Variants in AIF1L observed in about 807,000 individuals in gnomAD.
The protein encoded by AIF1L is allograft inflammatory factor 1-like.
AIF1L carries 12 observed loss-of-function variants against 20.7 expected under a neutral mutation model. The observed-to-expected ratio is 0.58, with a 90% CI of 0.37 to 0.94. The LOEUF is 0.94. Among genes scored for constraint, AIF1L ranks in the 40% least tolerant of loss-of-function variants. AIF1L has a pLI of 0.01. For missense variants in AIF1L, 173 were observed against 185.3 expected (o/e 0.93, Z 0.39); for synonymous variants, 76 against 65.1 (o/e 1.17, Z -0.81).
chr9:131,118,211 G>A (rs1831056856), intron 5 of AIF1L, among the ~76,000 whole-genome samples: 1 of 151,980 alleles, frequency 6.6e-6, no homozygotes, highest in African/African-American at 2.4e-5. Flanking sequence ...TTCTGCCTCA[G>A]CCTCCCTAGT....
intron 2 of AIF1L, among the ~76,000 whole-genome samples, chr9:131,102,706 G>A (rs1025020611): frequency 6.6e-6 from 1 of 152,230 alleles, no homozygotes; most frequent in Admixed American, 6.5e-5. Context: ...ATGTGAACCC[G>A]CTGTCCTTGT....
Position 131,120,582 on chromosome 9 carries a change from A to C in AIF1L, c.*260A>C. On this transcript the variant is annotated 3_prime_UTR_variant, in exon 6 of 6. Coordinates refer to ENST00000247291, the MANE Select transcript of AIF1L (RefSeq NM_031426.4). ...GTGCAGAAGGGCTGACATCAAACCA[A>C]AAACTAGAGGGGGCAGGGCCAGGGC... 1 of 407,334 alleles carries C rather than the reference A, an allele frequency of 2.5e-6. No homozygotes were observed. The highest frequency in any genetic ancestry group is 4.4e-6 in the Non-Finnish European group (1 of 229,346). 25.2% of individuals were successfully genotyped at this position (407,334 alleles called of 1,614,324 possible).
intron 2 of AIF1L, among the ~76,000 whole-genome samples, chr9:131,109,515 C>T (rs1446298280): frequency 5.9e-5 from 9 of 152,030 alleles, no homozygotes; most frequent in Non-Finnish European, 1.2e-4. Flanking sequence ...GCCAACATTG[C>T]GCCACTGGAC....
At chr9:131,110,598 G>C (rs1016191166) in intron 2 of AIF1L, among the ~76,000 whole-genome samples, 1 of 151,314 alleles carries the variant, frequency 6.6e-6, no homozygotes, top group Non-Finnish European at 1.5e-5. Flanking sequence ...CCACCTCCCA[G>C]GTTTAAGCTA....
chr9:131,096,721 G>A (rs1285069715), intron 1 of AIF1L, 61 bp downstream of exon 1: 30 of 1,450,044 alleles, frequency 2.1e-5, no homozygotes, highest in Non-Finnish European at 2.5e-5. Context: ...GGGGTCCACC[G>A]CGCGCGGGAA....
At chr9:131,109,031 G>T (rs769626856) in intron 2 of AIF1L, among the ~76,000 whole-genome samples, 1 of 152,228 alleles carries the variant, frequency 6.6e-6, no homozygotes, top group Non-Finnish European at 1.5e-5. Context: ...GTATTAGGAA[G>T]TAGGTCAAGT....
At chr9:131,115,047 A>G (rs1830976614) in intron 4 of AIF1L, among the ~76,000 whole-genome samples, 1 of 152,192 alleles carries the variant, frequency 6.6e-6, no homozygotes, top group South Asian at 2.1e-4. Flanking sequence ...CTGTGCAGCT[A>G]CTGGCACTTA....
At chr9:131,111,912 C>G in intron 3 of AIF1L, 1 of 531,402 alleles carries the variant, frequency 1.9e-6, no homozygotes, top group East Asian at 3.3e-5. Flanking sequence ...CCCTGCCCCT[C>G]TCTCTCCCCT....
At chr9:131,115,091 C>T (rs537047103) in intron 4 of AIF1L, among the ~76,000 whole-genome samples, 60 of 152,290 alleles carry the variant, frequency 3.9e-4, no homozygotes, top group African/African-American at 1.3e-3. Context: ...GGACCTCACC[C>T]GCAAAGAAGT....
intron 2 of AIF1L, among the ~76,000 whole-genome samples, chr9:131,103,953 A>G (rs1443434209): frequency 1.3e-5 from 2 of 152,178 alleles, no homozygotes. Flanking sequence ...TTCCCCAGCT[A>G]TTGAACAAGG....
intron 3 of AIF1L, 180 bp downstream of exon 3, chr9:131,111,843 TC>T: frequency 1.7e-6 from 1 of 583,182 alleles, no homozygotes; most frequent in Non-Finnish European, 2.9e-6. Flanking sequence ...GAGAGGCCCC[TC>T]CACCTGCCTC....
chr9:131,098,524 G>A (rs934128437), intron 2 of AIF1L, among the ~76,000 whole-genome samples: 4 of 152,146 alleles, frequency 2.6e-5, no homozygotes, highest in African/African-American at 4.8e-5. Flanking sequence ...CACAGCCAGC[G>A]GGACCCTGAG....
chr9:131,114,738 C>A, intron 4 of AIF1L, 120 bp downstream of exon 4: 1 of 1,296,544 alleles, frequency 7.7e-7, no homozygotes, highest in South Asian at 1.2e-5. Context: ...TATGTTGCGC[C>A]GAGCCAGCCC....
rs555262435 is a variant in AIF1L, at chr9:131,120,472, A to T, written c.*150A>T. 2 of 668,354 alleles carry T rather than the reference A, an allele frequency of 3.0e-6. No homozygotes were observed. Among genetic ancestry groups the T allele is most frequent in the African/African-American group, 3.7e-5 (2 of 54,310 alleles). The allele number at this position is 668,354 out of a possible 1,614,324, so 41.4% of individuals were successfully genotyped here. ...TCATCAATGTCTTTGTAAAGCACAA[A>T]TTATCTGCCTTAAAGGGGCTCTGGG... is the stretch of plus-strand genomic sequence containing the variant. On this transcript the variant is annotated 3_prime_UTR_variant, in exon 6 of 6. Coordinates refer to ENST00000247291, the MANE Select transcript of AIF1L (RefSeq NM_031426.4).
chr9:131,099,973 C>T (rs576964993), intron 2 of AIF1L, among the ~76,000 whole-genome samples: 2 of 152,124 alleles, frequency 1.3e-5, no homozygotes, highest in East Asian at 1.9e-4. Context: ...GTGATCTGCC[C>T]GCCTCAGCCT....
chr9:131,103,758 G>T, intron 2 of AIF1L, among the ~76,000 whole-genome samples: 1 of 152,178 alleles, frequency 6.6e-6, no homozygotes, highest in Non-Finnish European at 1.5e-5. Context: ...AAGAGACTGA[G>T]GCCTAGAGTG....
At chr9:131,110,637 G>A (rs1830856875) in intron 2 of AIF1L, among the ~76,000 whole-genome samples, 2 of 151,564 alleles carry the variant, frequency 1.3e-5, no homozygotes, top group Admixed American at 1.3e-4. Context: ...CCAAGTAGCT[G>A]GGATCACAGG....
At position 131,122,538 on chromosome 9, in the gene AIF1L, C is replaced by T. The variant is rs1028920431; in HGVS notation, c.*2216C>T. ...TCCTCACTGCCTCTCCTCTCTGGGA[C>T]AGGCTGGGACCTTTGAGGAAGATAA... On this transcript the variant is annotated 3_prime_UTR_variant, in exon 6 of 6. Coordinates refer to ENST00000247291, the MANE Select transcript of AIF1L (RefSeq NM_031426.4). 6.6e-6 allele frequency: 1 copy of T among 152,078 alleles called. No individual in the cohort carries two copies. Among genetic ancestry groups the T allele is most frequent in the African/African-American group, 2.4e-5 (1 of 41,408 alleles). 9.4% of individuals were successfully genotyped at this position (152,078 alleles called of 1,614,324 possible). A position where few individuals can be genotyped will look rare whatever the true frequency, so the allele number is the denominator to read the frequency against.
intron 5 of AIF1L, among the ~76,000 whole-genome samples, chr9:131,119,394 G>A (rs1194166087): frequency 6.6e-6 from 1 of 152,046 alleles, no homozygotes; most frequent in African/African-American, 2.4e-5. Flanking sequence ...CTGGCTACTC[G>A]GGAGGCTGAG....
Sources: gnomAD v4.1 joint callset for allele counts (sites outside exome capture counted in the v4.1 genomes callset) on GRCh38, gnomAD v4.1.1 for gene constraint, MANE v1.5 for transcripts, NCBI Gene and HGNC (gene_info 2026-07-23, HGNC 2026-07-21) for gene names.